Variants in PRKN observed in about 807,000 individuals in gnomAD.
PRKN encodes the protein parkin RBR E3 ubiquitin protein ligase, also known as E3 ubiquitin-protein ligase parkin.
A neutral mutation model predicts 59.5 loss-of-function variants in PRKN; 56 were observed. The observed-to-expected ratio is 0.94, with a 90% CI of 0.76 to 1.18. The LOEUF (loss-of-function observed/expected upper bound fraction) is 1.18. Ranked by LOEUF, PRKN falls within the 50% of genes most tolerant of loss-of-function variation. The pLI, the probability that PRKN is intolerant of heterozygous loss-of-function variation, is 0.00. For missense variants in PRKN, 657 were observed against 596.4 expected (o/e 1.10, Z -1.06); for synonymous variants, 250 against 222.1 (o/e 1.13, Z -1.12).
rs566647764 is a variant in PRKN, at chr6:161,645,573, T to C, written c.872-76157A>G. On this transcript the variant is annotated intron_variant, in intron 7 of 11. Coordinates refer to ENST00000366898, the MANE Select transcript of PRKN (RefSeq NM_004562.3). ...AGCATAATCCTATAAAGCAGTTTGA[T>C]TGATTTGGTTTTATTCCCATTCAAC... Among the ~76,000 whole-genome samples, 242 of 152,240 alleles carry C rather than the reference T, an allele frequency of 1.6e-3. 2 individuals are homozygous for C. The highest frequency in any genetic ancestry group is 2.2e-3 in the Non-Finnish European group (148 of 68,038).
intron 1 of PRKN, among the ~76,000 whole-genome samples, chr6:162,471,585 T>C (rs1203419978): frequency 6.6e-6 from 1 of 152,216 alleles, no homozygotes; most frequent in Non-Finnish European, 1.5e-5. Context: ...ATAAAATATA[T>C]TTTGCCATTT....
At chr6:162,387,553 CACAGAGAG>C (rs763459215) in intron 2 of PRKN, among the ~76,000 whole-genome samples, 2,671 of 79,376 alleles carry the variant, frequency 0.034, 23 homozygotes, top group Middle Eastern at 0.049. Context: ...CACACACACA[CACAGAGAG>C]AGAGAGAGAG....
Position 161,804,713 on chromosome 6 carries a change from C to T in PRKN, c.735-18805G>A, listed in dbSNP as rs552942051. Among the ~76,000 whole-genome samples, 38 of 152,336 alleles carry T rather than the reference C, an allele frequency of 2.5e-4. No individual in the cohort carries two copies. In the South Asian group the frequency reaches 5.8e-3, roughly 23 times the overall value. On this transcript the variant is annotated intron_variant, in intron 6 of 11. Coordinates refer to ENST00000366898, the MANE Select transcript of PRKN (RefSeq NM_004562.3). ...GCATCTACACATTGTCCCAACAATGCGTTTTAGAGTTCTGCAACAATAATA... is the reference window on the plus strand; with the variant it reads ...GCATCTACACATTGTCCCAACAATGTGTTTTAGAGTTCTGCAACAATAATA...
chr6:161,678,279 C>G (rs1364051783), intron 7 of PRKN, among the ~76,000 whole-genome samples: 2 of 115,544 alleles, frequency 1.7e-5, no homozygotes, highest in Non-Finnish European at 3.2e-5. Flanking sequence ...GATCCTGGCT[C>G]TAATTCTGGC....
chr6:161,693,804 A>G (rs1323374914), intron 7 of PRKN, among the ~76,000 whole-genome samples: 1 of 152,228 alleles, frequency 6.6e-6, no homozygotes, highest in Non-Finnish European at 1.5e-5. Flanking sequence ...TGTATGGCCA[A>G]TTCCCAAAGT....
rs1790194285 is a variant in PRKN, at chr6:161,461,084, A to C, written c.1084-74207T>G. 6.6e-6 allele frequency among the ~76,000 whole-genome samples: 1 copy of C among 152,102 alleles called. No individual in the cohort carries two copies. The highest frequency in any genetic ancestry group is 2.4e-5 in the African/African-American group (1 of 41,428). ...AGAGTCATCTTTATCATAAGTACTT[A>C]CTGTCTATTAACCCCATAAACATTC... On this transcript the variant is annotated intron_variant, in intron 9 of 11. Coordinates refer to ENST00000366898, the MANE Select transcript of PRKN (RefSeq NM_004562.3). This position sits in a 1 kb window ranked among gnomAD's most constrained non-coding sequence, Gnocchi z 5.1.
chr6:162,602,225 C>T (rs1781740309), intron 1 of PRKN, among the ~76,000 whole-genome samples: 1 of 152,066 alleles, frequency 6.6e-6, no homozygotes. Flanking sequence ...AAGGCTTTAG[C>T]CAGATGAGGT....
chr6:161,536,518 A>T (rs909982367), intron 9 of PRKN, among the ~76,000 whole-genome samples: 4 of 152,134 alleles, frequency 2.6e-5, no homozygotes, highest in Non-Finnish European at 5.9e-5. Flanking sequence ...TGCTGTGCAC[A>T]CAGAGATTCT....
At chr6:162,118,835 G>A (rs1396285776) in intron 4 of PRKN, among the ~76,000 whole-genome samples, 1 of 152,194 alleles carries the variant, frequency 6.6e-6, no homozygotes, top group Admixed American at 6.5e-5. Context: ...CCTGGCCTTT[G>A]AACACGAAGA....
intron 3 of PRKN, among the ~76,000 whole-genome samples, chr6:162,216,845 G>C (rs1287922668): frequency 6.6e-6 from 1 of 152,080 alleles, no homozygotes; most frequent in African/African-American, 2.4e-5. Flanking sequence ...TCTTTCTTTT[G>C]GTTCTGTATT....
At chr6:161,781,582 G>A (rs1790207383) in intron 7 of PRKN, among the ~76,000 whole-genome samples, 1 of 152,122 alleles carries the variant, frequency 6.6e-6, no homozygotes, top group South Asian at 2.1e-4. Flanking sequence ...TTTCAAGGAG[G>A]TTGTTAGTTA....
chr6:161,443,067 G>A (rs149178043), intron 9 of PRKN, among the ~76,000 whole-genome samples: 1 of 152,208 alleles, frequency 6.6e-6, no homozygotes, highest in African/African-American at 2.4e-5. Flanking sequence ...CAGCACTTTG[G>A]GAGGCCAAGG....
At position 161,488,531 on chromosome 6, in the gene PRKN, G is replaced by A. The variant is rs1269329389; in HGVS notation, c.1083+60323C>T. Among the ~76,000 whole-genome samples, 2 of 152,114 alleles carry A rather than the reference G, an allele frequency of 1.3e-5. No homozygotes were observed. Among genetic ancestry groups the A allele is most frequent in the Non-Finnish European group, 2.9e-5 (2 of 68,026 alleles). On this transcript the variant is annotated intron_variant, in intron 9 of 11. Transcript: ENST00000366898. This position sits in a 1 kb window ranked among gnomAD's most constrained non-coding sequence, Gnocchi z 4.5. ...TAGAGATAGGGTCTTCCTCTGCCAC[G>A]TAGGCTGAAGTGTGGTGGTGCCATC... is the stretch of plus-strand genomic sequence containing the variant.
chr6:161,633,001 GTC>G, intron 7 of PRKN, among the ~76,000 whole-genome samples: 1 of 152,140 alleles, frequency 6.6e-6, no homozygotes, highest in East Asian at 1.9e-4. Flanking sequence ...GCAGATCATT[GTC>G]TCTCTCTGTT....
intron 4 of PRKN, among the ~76,000 whole-genome samples, chr6:162,176,199 G>C (rs1380329401): frequency 2.6e-5 from 4 of 152,262 alleles, no homozygotes; most frequent in African/African-American, 9.6e-5. Context: ...GGAATTAGAT[G>C]AATAATCTAA....
chr6:162,380,880 G>A (rs1410902252), intron 2 of PRKN, among the ~76,000 whole-genome samples: 1 of 152,014 alleles, frequency 6.6e-6, no homozygotes, highest in Non-Finnish European at 1.5e-5. Context: ...TGGACCTATG[G>A]GCAGTCTTTC....
At chr6:162,229,785 T>C (rs1262528367) in intron 3 of PRKN, among the ~76,000 whole-genome samples, 1 of 152,264 alleles carries the variant, frequency 6.6e-6, no homozygotes, top group Non-Finnish European at 1.5e-5. Flanking sequence ...AGAAATAGTC[T>C]GTTTTTGTAC....
intron 9 of PRKN, among the ~76,000 whole-genome samples, chr6:161,469,631 T>C (rs1340239445): frequency 6.6e-6 from 1 of 151,890 alleles, no homozygotes; most frequent in Non-Finnish European, 1.5e-5. Flanking sequence ...TTTGCTGGTT[T>C]TGAAGATGGA....
chr6:162,437,793 G>C (rs1462099716), intron 2 of PRKN, among the ~76,000 whole-genome samples: 1 of 152,128 alleles, frequency 6.6e-6, no homozygotes, highest in Non-Finnish European at 1.5e-5. Flanking sequence ...TAATATTCTA[G>C]GGTGTGGAGG....
Sources: allele counts gnomAD v4.1 joint callset (sites outside exome capture counted in the v4.1 genomes callset), GRCh38; gene constraint gnomAD v4.1.1; non-coding constraint Gnocchi (gnomAD v3.1); transcripts MANE v1.5; gene names NCBI Gene and HGNC (gene_info 2026-07-23, HGNC 2026-07-21).